The following PYCR2 variants were observed in gnomAD, a reference collection of about 807,000 sequenced individuals.
PYCR2 encodes the protein pyrroline-5-carboxylate reductase 2.
Under a neutral mutation model 23.4 loss-of-function variants are expected in PYCR2, and 17 were observed. That is an observed-to-expected ratio of 0.73 (90% CI 0.50 to 1.09). PYCR2 has a LOEUF of 1.09. PYCR2 is among the 50% of genes least tolerant of loss of function. The probability of loss-of-function intolerance (pLI) is 0.00; values close to 1 mark genes in which losing one functional copy is unlikely to be tolerated. For missense variants in PYCR2, 380 were observed against 423.5 expected, an observed-to-expected ratio of 0.90 and a Z score of 0.90; for synonymous variants, 172 against 176.6, an observed-to-expected ratio of 0.97 and a Z score of 0.21.
chr1:225,924,220 G>C lies in PYCR2; in HGVS notation c.-110C>G, dbSNP rs1019863896. Reference sequence around the variant, plus strand: ...CAGGGGCGAACGGGCGGCGTGCCGAGGACCGGCGAGCTAACAGCAGCTTCT... The same window carrying C: ...CAGGGGCGAACGGGCGGCGTGCCGACGACCGGCGAGCTAACAGCAGCTTCT... On this transcript the variant is annotated 5_prime_UTR_variant, in exon 1 of 7. Transcript: ENST00000343818. 2 of 1,244,424 alleles carry C rather than the reference G, an allele frequency of 1.6e-6. No homozygotes were observed. The highest frequency in any genetic ancestry group is 2.2e-6 in the Non-Finnish European group (2 of 918,536). 77.1% of individuals were successfully genotyped at this position (1,244,424 alleles called of 1,614,324 possible).
chr1:225,921,958 T>A lies in PYCR2; in HGVS notation c.440A>T (p.Gln147Leu). 3 of 1,614,150 alleles carry A rather than the reference T, an allele frequency of 1.9e-6. No individual in the cohort carries two copies. The highest frequency in any genetic ancestry group is 2.5e-6 in the Non-Finnish European group (3 of 1,180,026). ...TGTHALVEDG[Q>L]LLEQLMSSVG... ...GCTGCTCATGAGCTGCTCCAGGAGC[T>A]GCCCATCCTCCACCAGGGCATGGGT... The change falls in exon 4 of 7, where the codon CAG becomes CTG. Residue 147 changes from glutamine to leucine, a missense_variant. Transcript: ENST00000343818. This position sits in a 1 kb window ranked among gnomAD's most constrained non-coding sequence, Gnocchi z 4.2.
intron 2 of PYCR2, chr1:225,922,937 A>C: frequency 3.3e-6 from 3 of 914,622 alleles, no homozygotes; most frequent in Middle Eastern, 1.1e-3. Context: ...ATCCTCTCCC[A>C]CAGAGCACAG....
chr1:225,920,221 A>G lies in PYCR2; in HGVS notation c.*234T>C, dbSNP rs1671800528. 9.4e-6 allele frequency: 3 copies of G among 318,418 alleles called. No individual in the cohort carries two copies. Among genetic ancestry groups the G allele is most frequent in the Non-Finnish European group, 1.7e-5 (3 of 175,460 alleles). The allele number at this position is 318,418 out of a possible 1,614,324, so 19.7% of individuals were successfully genotyped here. ...GTACGCAGGGTTGTGTCTGGCTTCC[A>G]GCATCTACCACCCCTTCAGAGCAAC... On this transcript the variant is annotated 3_prime_UTR_variant, in exon 7 of 7. Coordinates refer to ENST00000343818, the MANE Select transcript of PYCR2 (RefSeq NM_013328.4).
At position 225,920,404 on chromosome 1, in the gene PYCR2, G is replaced by C; in HGVS notation, c.*51C>G. On this transcript the variant is annotated 3_prime_UTR_variant, in exon 7 of 7. Coordinates refer to ENST00000343818, the MANE Select transcript of PYCR2 (RefSeq NM_013328.4). ...GCGGGGCAGGGGGGTGGCAGGGGCG[G>C]CAGGGGCTCTCAACTAAGGGCTCTG... The C allele has an allele frequency of 7.9e-7, 1 of 1,272,948 alleles. No individual in the cohort carries two copies. The highest frequency in any genetic ancestry group is 2.9e-5 in the East Asian group (1 of 34,542). 78.9% of individuals were successfully genotyped at this position (1,272,948 alleles called of 1,614,324 possible).
At position 225,921,497 on chromosome 1, in the gene PYCR2, A is replaced by G; in HGVS notation, c.633+55T>C. ...AACTCCCACCTCAGTTCAGTGATGC[A>G]CAAGAACCCCCATTCTACACCCTGG... On this transcript the variant is annotated intron_variant, in intron 5 of 6. Transcript: ENST00000343818. The surrounding 1 kb of genome is among the most constrained non-coding windows in gnomAD (Gnocchi z 4.2). The G allele has an allele frequency of 1.2e-6, 2 of 1,601,058 alleles. No homozygotes were observed. The highest frequency in any genetic ancestry group is 1.7e-6 in the Non-Finnish European group (2 of 1,168,546).
At position 225,921,537 on chromosome 1, in the gene PYCR2, G is replaced by A; in HGVS notation, c.633+15C>T. On this transcript the variant is annotated intron_variant, in intron 5 of 6. Transcript: ENST00000343818. The surrounding 1 kb of genome is among the most constrained non-coding windows in gnomAD (Gnocchi z 4.2). ...CTACACCCTGGTCCTGAACATGCGG[G>A]GGAAAGATACTGACCAGCAAAGCCT... 2.5e-6 allele frequency: 4 copies of A among 1,613,904 alleles called. No individual in the cohort carries two copies. The highest frequency in any genetic ancestry group is 1.6e-4 in the Middle Eastern group (1 of 6,062).
intron 2 of PYCR2, 45 bp downstream of exon 2, chr1:225,923,656 T>C (rs757777549): frequency 6.2e-7 from 1 of 1,612,812 alleles, no homozygotes; most frequent in East Asian, 2.2e-5. Flanking sequence ...GGTCATCCTT[T>C]TCCTGGGCCT....
intron 2 of PYCR2, chr1:225,922,591 C>T: frequency 3.6e-6 from 2 of 562,030 alleles, no homozygotes; most frequent in South Asian, 2.5e-5. Context: ...TGGAGCATGA[C>T]AAGCTTCTCC....
chr1:225,921,704 GCTTT>G lies in PYCR2; in HGVS notation c.541-64_541-61del. On this transcript the variant is annotated intron_variant, in intron 4 of 6. Transcript: ENST00000343818. This position sits in a 1 kb window ranked among gnomAD's most constrained non-coding sequence, Gnocchi z 4.2. ...CACTGAAGGGCCTTTCCTTAGGTCTGCTTTCTGATGACTAGAACTAGCTCCAAGG... is the reference window on the plus strand; with the variant it reads ...CACTGAAGGGCCTTTCCTTAGGTCTGCTGATGACTAGAACTAGCTCCAAGG... The G allele has an allele frequency of 6.3e-7, 1 of 1,597,932 alleles. No homozygotes were observed. The highest frequency in any genetic ancestry group is 8.6e-7 in the Non-Finnish European group (1 of 1,165,550).
rs11543045 is a variant in PYCR2, at chr1:225,924,237, G to A, written c.-127C>T. The A allele has an allele frequency of 5.3e-4, 581 of 1,093,830 alleles. 2 individuals are homozygous for A. In the African/African-American group the frequency reaches 8.8e-3, roughly 17 times the overall value. 67.8% of individuals were successfully genotyped at this position (1,093,830 alleles called of 1,614,324 possible). A position where few individuals can be genotyped will look rare whatever the true frequency, so the allele number is the denominator to read the frequency against. On this transcript the variant is annotated 5_prime_UTR_variant, in exon 1 of 7. Coordinates refer to ENST00000343818, the MANE Select transcript of PYCR2 (RefSeq NM_013328.4). ...CGTGCCGAGGACCGGCGAGCTAACA[G>A]CAGCTTCTGGGATGGTGCAACCCTA... is the stretch of plus-strand genomic sequence containing the variant.
intron 6 of PYCR2, 76 bp from the exon 7 acceptor site, chr1:225,920,696 C>T (rs1346189049): frequency 7.9e-6 from 12 of 1,514,532 alleles, no homozygotes; most frequent in Non-Finnish European, 1.1e-5. Flanking sequence ...CCACTATCCA[C>T]ACAACCCTCA....
rs1270979605 is a variant in PYCR2 at position 225,923,684 on chromosome 1, C to T, written c.138+17G>A. ...CTGGGCCTCCACCCGCTTCCCACTC[C>T]GCCCGGCTCCACCTACCCTGAGCGC... On this transcript the variant is annotated intron_variant, in intron 2 of 6. Coordinates refer to ENST00000343818, the MANE Select transcript of PYCR2 (RefSeq NM_013328.4). 6.2e-7 allele frequency: 1 copy of T among 1,613,942 alleles called. No individual in the cohort carries two copies. The highest frequency in any genetic ancestry group is 8.5e-7 in the Non-Finnish European group (1 of 1,179,910).
chr1:225,922,399 C>T lies in PYCR2; in HGVS notation c.139-16G>A, dbSNP rs1671867206. 1 of 1,602,796 alleles carries T rather than the reference C, an allele frequency of 6.2e-7. No homozygotes were observed. Among genetic ancestry groups the T allele is most frequent in the Non-Finnish European group, 8.5e-7 (1 of 1,171,528 alleles). ...CACCCATCTTCTGCAAGAGGAGACTCCCAGCTCACAGTGCTGGAGCAGCCT... is the reference window on the plus strand; with the variant it reads ...CACCCATCTTCTGCAAGAGGAGACTTCCAGCTCACAGTGCTGGAGCAGCCT... On this transcript the variant is annotated splice_polypyrimidine_tract_variant and intron_variant, in intron 2 of 6. Coordinates refer to ENST00000343818, the MANE Select transcript of PYCR2 (RefSeq NM_013328.4).
rs1467671431 is a variant in PYCR2 at position 225,921,503 on chromosome 1, A to AC, written c.633+48dup. ...CACCTCAGTTCAGTGATGCACAAGA[A>AC]CCCCCATTCTACACCCTGGTCCTGA... On this transcript the variant is annotated intron_variant, in intron 5 of 6. Transcript: ENST00000343818. This position sits in a 1 kb window ranked among gnomAD's most constrained non-coding sequence, Gnocchi z 4.2. 6.2e-7 allele frequency: 1 copy of AC among 1,603,460 alleles called. No homozygotes were observed.
At chr1:225,923,180 C>T (rs1434344529) in intron 2 of PYCR2, 12 of 356,160 alleles carry the variant, frequency 3.4e-5, no homozygotes, top group Non-Finnish European at 4.7e-5. Context: ...GAGGCCAAGG[C>T]GGGCAGATCA....
In PYCR2 at chr1:225,921,175, G is replaced by A. The variant is rs1671824940; in HGVS notation, c.797+33C>T. ...GCCCAGGGACCAACCAGGACTGAAGGGTCTGGGACAGAAGTCCGCGGGATG... is the reference window on the plus strand; with the variant it reads ...GCCCAGGGACCAACCAGGACTGAAGAGTCTGGGACAGAAGTCCGCGGGATG... On this transcript the variant is annotated intron_variant, in intron 6 of 6. Transcript: ENST00000343818. This position sits in a 1 kb window ranked among gnomAD's most constrained non-coding sequence, Gnocchi z 4.2. 12 of 1,588,972 alleles carry A rather than the reference G, an allele frequency of 7.6e-6. No individual in the cohort carries two copies. Among genetic ancestry groups the A allele is most frequent in the Non-Finnish European group, 1.0e-5 (12 of 1,164,494 alleles).
Position 225,923,725 on chromosome 1 carries a change from G to C in PYCR2, c.114C>G (p.Asn38Lys). ...HKIIASSPEM[N>K]LPTVSALRKM... ...CCCTGAGCGCGGACACCGTGGGCAG[G>C]TTCATTTCTGGGGAGCTGGCTATTA... The change falls in exon 2 of 7, where the codon AAC becomes AAG. Residue 38 changes from asparagine to lysine, a missense_variant. By Grantham distance (94) the Asn-to-Lys change is moderately conservative. Transcript: ENST00000343818. 1.9e-6 allele frequency: 3 copies of C among 1,614,156 alleles called. No individual in the cohort carries two copies. Among genetic ancestry groups the C allele is most frequent in the Non-Finnish European group, 2.5e-6 (3 of 1,180,020 alleles).
chr1:225,923,549 A>G (rs947335986), intron 2 of PYCR2, 152 bp downstream of exon 2: 13 of 1,487,792 alleles, frequency 8.7e-6, no homozygotes, highest in African/African-American at 1.4e-5. Context: ...GCTGCCCAAG[A>G]GAAGGTGGAA....
In PYCR2 at chr1:225,920,536, G is replaced by A. The variant is rs1342516119; in HGVS notation, c.882C>T (p.Ser294=). ...AGGGGGTCAGTGTGGAGACTGTGGG[G>A]GATTCCAGCTTCACTCTGTCTAAGA... ...KTLLDRVKLE[S]PTVSTLTPSS... The change falls in exon 7 of 7, where the codon TCC becomes TCT. Residue 294 remains serine, a synonymous_variant. Transcript: ENST00000343818. 6.3e-7 allele frequency: 1 copy of A among 1,585,752 alleles called. No homozygotes were observed. Among genetic ancestry groups the A allele is most frequent in the African/African-American group, 1.3e-5 (1 of 74,170 alleles).
Sources: gnomAD v4.1 joint callset for allele counts on GRCh38, gnomAD v4.1.1 for gene constraint, Gnocchi (gnomAD v3.1) non-coding constraint, MANE v1.5 for transcripts, NCBI Gene and HGNC (gene_info 2026-07-23, HGNC 2026-07-21) for gene names.